Variants in PRKG1 observed in about 807,000 individuals in gnomAD.
PRKG1 encodes protein kinase cGMP-dependent 1.
PRKG1 carries 35 observed loss-of-function variants against 88.1 expected under a neutral mutation model. That is an observed-to-expected ratio of 0.40 (90% CI 0.30 to 0.53). The LOEUF (loss-of-function observed/expected upper bound fraction) is 0.53, where lower values mean the gene tolerates loss of function less well. Ranked by LOEUF, PRKG1 falls within the 20% of genes least tolerant of loss-of-function variation. The pLI, the probability that PRKG1 is intolerant of heterozygous loss-of-function variation, is 0.59. For missense variants in PRKG1, 540 were observed against 839.8 expected (o/e 0.64, Z 4.41); for synonymous variants, 303 against 292.5 (o/e 1.04, Z -0.37).
chr10:52,134,477 C>A (rs1208261447), intron 8 of PRKG1, among the ~76,000 whole-genome samples: 1 of 152,110 alleles, frequency 6.6e-6, no homozygotes, highest in Admixed American at 6.6e-5. Context: ...TCTCTCAGTT[C>A]TGGCTTGCTC....
intron 5 of PRKG1, among the ~76,000 whole-genome samples, chr10:52,006,102 A>AAC (rs1056308189): frequency 6.6e-6 from 1 of 151,296 alleles, no homozygotes; most frequent in South Asian, 2.1e-4. Flanking sequence ...CAAACAAACA[A>AAC]AAAAAACAAG....
At chr10:52,185,824 T>G (rs1436220429) in intron 9 of PRKG1, among the ~76,000 whole-genome samples, 1 of 152,304 alleles carries the variant, frequency 6.6e-6, no homozygotes, top group East Asian at 1.9e-4. Flanking sequence ...AAGTGGCAAC[T>G]TGAGCAGGAT....
At chr10:51,090,887 G>A (rs1844382873) in intron 1 of PRKG1, among the ~76,000 whole-genome samples, 1 of 152,130 alleles carries the variant, frequency 6.6e-6, no homozygotes, top group African/African-American at 2.4e-5. Flanking sequence ...ACTAGTAATG[G>A]ATTTCTATTT....
chr10:51,491,817 T>C (rs1196270657), intron 3 of PRKG1, among the ~76,000 whole-genome samples: 1 of 152,168 alleles, frequency 6.6e-6, no homozygotes, highest in African/African-American at 2.4e-5. Flanking sequence ...GGACAGTGGC[T>C]GAATATTTTG....
intron 3 of PRKG1, among the ~76,000 whole-genome samples, chr10:51,721,212 T>TAAAAAAAAAAA (rs55873432): frequency 2.0e-4 from 25 of 122,020 alleles, no homozygotes; most frequent in East Asian, 5.8e-4. Flanking sequence ...CAAGACCTAT[T>TAAAAAAAAAAA]AAAAAAAAAA....
intron 6 of PRKG1, among the ~76,000 whole-genome samples, chr10:52,060,588 T>G (rs1846213768): frequency 6.6e-6 from 1 of 151,796 alleles, no homozygotes; most frequent in Admixed American, 6.6e-5. Context: ...CCCACATCTA[T>G]TAATAATAAG....
intron 3 of PRKG1, among the ~76,000 whole-genome samples, chr10:51,559,573 C>T (rs1488243861): frequency 6.6e-6 from 1 of 152,008 alleles, no homozygotes; most frequent in African/African-American, 2.4e-5. Flanking sequence ...CCTTCCTTTG[C>T]ATCATAAAAA....
chr10:51,124,414 T>C (rs1382621391), intron 1 of PRKG1, among the ~76,000 whole-genome samples: 1 of 152,066 alleles, frequency 6.6e-6, no homozygotes, highest in African/African-American at 2.4e-5. Flanking sequence ...TTTCTTTCCC[T>C]TTCACCTTAT....
chr10:51,602,780 G>GTGTGTATA (rs1267497718), intron 3 of PRKG1, among the ~76,000 whole-genome samples: 1 of 126,486 alleles, frequency 7.9e-6, no homozygotes, highest in African/African-American at 3.9e-5. Flanking sequence ...GTGTGTGTGT[G>GTGTGTATA]TATATATTCA....
chr10:51,756,361 C>A (rs939837963), intron 3 of PRKG1, among the ~76,000 whole-genome samples: 1 of 151,822 alleles, frequency 6.6e-6, no homozygotes, highest in Admixed American at 6.6e-5. Context: ...GTAATGTATG[C>A]CTGTTCTCCC....
chr10:51,629,263 A>G (rs1839463222), intron 3 of PRKG1, among the ~76,000 whole-genome samples: 2 of 152,148 alleles, frequency 1.3e-5, no homozygotes. Flanking sequence ...ACCAGAAACC[A>G]GTTTCATGGA....
intron 9 of PRKG1, among the ~76,000 whole-genome samples, chr10:52,211,173 T>G (rs1839961545): frequency 6.6e-6 from 1 of 152,268 alleles, no homozygotes; most frequent in South Asian, 2.1e-4. Flanking sequence ...AGTTTTTGTC[T>G]TGGGATCTGT....
At chr10:51,370,241 C>A (rs1048436597) in intron 2 of PRKG1, among the ~76,000 whole-genome samples, 3 of 152,016 alleles carry the variant, frequency 2.0e-5, no homozygotes, top group East Asian at 1.9e-4. Context: ...TCTTACAAAA[C>A]CATTGTTGTT....
chr10:52,171,863 C>T (rs899837027), intron 9 of PRKG1, among the ~76,000 whole-genome samples: 1 of 124,590 alleles, frequency 8.0e-6, no homozygotes, highest in African/African-American at 3.2e-5. Flanking sequence ...ACTGCAGTGG[C>T]GCAATCTCGG....
At chr10:51,642,448 T>G (rs115961256) in intron 3 of PRKG1, among the ~76,000 whole-genome samples, 5 of 152,192 alleles carry the variant, frequency 3.3e-5, no homozygotes, top group Non-Finnish European at 7.3e-5. Context: ...CCCCTCATTA[T>G]GCACCATTAG....
At chr10:51,551,989 A>C (rs917158974) in intron 3 of PRKG1, among the ~76,000 whole-genome samples, 3 of 151,660 alleles carry the variant, frequency 2.0e-5, no homozygotes, top group Non-Finnish European at 3.0e-5. Context: ...GGTTTTTTGA[A>C]TAAGCTAATC....
At chr10:51,628,587 C>A (rs1179752324) in intron 3 of PRKG1, among the ~76,000 whole-genome samples, 2 of 152,176 alleles carry the variant, frequency 1.3e-5, no homozygotes, top group African/African-American at 2.4e-5. Context: ...TTTCCTATTT[C>A]TTTTCTCCAT....
At chr10:51,898,292 T>A (rs982229734) in intron 4 of PRKG1, among the ~76,000 whole-genome samples, 1 of 152,190 alleles carries the variant, frequency 6.6e-6, no homozygotes, top group Non-Finnish European at 1.5e-5. Flanking sequence ...CTTTAAATCA[T>A]ATAAAATTCT....
At chr10:51,303,510 C>T (rs146295904) in intron 2 of PRKG1, among the ~76,000 whole-genome samples, 2 of 151,900 alleles carry the variant, frequency 1.3e-5, no homozygotes, top group East Asian at 3.9e-4. Flanking sequence ...GCCTCTTTTA[C>T]TCTTTCAACT....
Sources: allele counts gnomAD v4.1 joint callset (sites outside exome capture counted in the v4.1 genomes callset), GRCh38; gene constraint gnomAD v4.1.1; transcripts MANE v1.5; gene names NCBI Gene and HGNC (gene_info 2026-07-23, HGNC 2026-07-21).